CTNNA2: variants seen among roughly 807,000 people sequenced by gnomAD.
CTNNA2 encodes the protein catenin alpha-2.
CTNNA2 carries 42 observed loss-of-function variants against 101.0 expected under a neutral mutation model. The ratio of observed to expected loss-of-function variants is 0.42; its 90% CI spans 0.32 to 0.54. CTNNA2 has a LOEUF of 0.54. CTNNA2 is among the 20% of genes least tolerant of loss of function. The pLI, the probability that CTNNA2 is intolerant of heterozygous loss-of-function variation, is 0.14. For missense variants in CTNNA2, 871 were observed against 1,223.1 expected (o/e 0.71, Z 4.29); for synonymous variants, 450 against 456.4 (o/e 0.99, Z 0.18).
intron 2 of CTNNA2, among the ~76,000 whole-genome samples, chr2:79,244,695 G>A (rs1674677243): frequency 6.6e-6 from 1 of 152,202 alleles, no homozygotes; most frequent in African/African-American, 2.4e-5. Context: ...GTTCACTGCT[G>A]TCTCTTGCAG....
At chr2:80,452,645 A>T (rs1024041268) in intron 9 of CTNNA2, among the ~76,000 whole-genome samples, 1 of 151,630 alleles carries the variant, frequency 6.6e-6, no homozygotes, top group Non-Finnish European at 1.5e-5. Context: ...GGGAGAAGAA[A>T]GGATGCTGGT....
At chr2:80,488,596 C>T (rs1003382025) in intron 9 of CTNNA2, among the ~76,000 whole-genome samples, 1 of 152,154 alleles carries the variant, frequency 6.6e-6, no homozygotes, top group African/African-American at 2.4e-5. Flanking sequence ...ACAAAATGAA[C>T]AGGAGCCTGA....
chr2:79,264,741 T>C (rs901868813), intron 2 of CTNNA2, among the ~76,000 whole-genome samples: 18 of 152,272 alleles, frequency 1.2e-4, no homozygotes, highest in Non-Finnish European at 1.6e-4. Context: ...CTATTTTTTT[T>C]TTTTAAACAG....
At chr2:79,376,853 T>C (rs1677982479) in intron 4 of CTNNA2, among the ~76,000 whole-genome samples, 1 of 152,224 alleles carries the variant, frequency 6.6e-6, no homozygotes, top group African/African-American at 2.4e-5. Context: ...CCATGGTGTA[T>C]ATGTGCCACA....
chr2:80,481,590 T>C (rs1185474284), intron 9 of CTNNA2, among the ~76,000 whole-genome samples: 1 of 152,152 alleles, frequency 6.6e-6, no homozygotes, highest in Non-Finnish European at 1.5e-5. Flanking sequence ...TAGAAGGATG[T>C]TAAACCTGAC....
intron 7 of CTNNA2, among the ~76,000 whole-genome samples, chr2:79,993,358 G>T (rs1692314790): frequency 6.6e-6 from 1 of 151,816 alleles, no homozygotes; most frequent in South Asian, 2.1e-4. Flanking sequence ...CCATTTTTTG[G>T]GCTCCCACGT....
chr2:79,608,210 A>T (rs1678026382), intron 1 of CTNNA2, among the ~76,000 whole-genome samples: 1 of 152,056 alleles, frequency 6.6e-6, no homozygotes, highest in African/African-American at 2.4e-5. Context: ...ACCAAAGCTC[A>T]CTCAAGAAGA....
chr2:79,538,481 C>G (rs145549182), intron 1 of CTNNA2, among the ~76,000 whole-genome samples: 1 of 151,998 alleles, frequency 6.6e-6, no homozygotes, highest in Non-Finnish European at 1.5e-5. Context: ...AATAGTGATA[C>G]AAAATACTGT....
intron 7 of CTNNA2, among the ~76,000 whole-genome samples, chr2:80,357,115 T>C (rs1673886947): frequency 6.6e-6 from 1 of 152,138 alleles, no homozygotes; most frequent in African/African-American, 2.4e-5. Flanking sequence ...GGTCAGTGAA[T>C]GGTTATGATA....
At chr2:79,686,563 T>C (rs1683943365) in intron 2 of CTNNA2, among the ~76,000 whole-genome samples, 1 of 152,002 alleles carries the variant, frequency 6.6e-6, no homozygotes, top group Non-Finnish European at 1.5e-5. Flanking sequence ...AAAAAATCAT[T>C]CTACAGTGAC....
chr2:79,849,109 A>G (rs1436377092), intron 3 of CTNNA2, among the ~76,000 whole-genome samples: 1 of 152,162 alleles, frequency 6.6e-6, no homozygotes. Flanking sequence ...CTTCAGAGGC[A>G]GTGGCCCCAT....
At chr2:79,661,015 C>A (rs569413745) in intron 2 of CTNNA2, among the ~76,000 whole-genome samples, 1 of 152,212 alleles carries the variant, frequency 6.6e-6, no homozygotes, top group East Asian at 1.9e-4. Context: ...GAAATTAAAT[C>A]ACTGTGTATG....
At chr2:79,242,180 A>G (rs1245634841) in intron 2 of CTNNA2, among the ~76,000 whole-genome samples, 3 of 152,122 alleles carry the variant, frequency 2.0e-5, no homozygotes, top group African/African-American at 7.2e-5. Flanking sequence ...TGCTGGGATT[A>G]TAGGCTTGAG....
chr2:79,668,466 C>T (rs1383935199), intron 2 of CTNNA2, among the ~76,000 whole-genome samples: 2 of 152,068 alleles, frequency 1.3e-5, no homozygotes, highest in Non-Finnish European at 2.9e-5. Context: ...TATACATCTA[C>T]ATCAGTGAAT....
chr2:79,535,252 T>C (rs1166754151), intron 1 of CTNNA2, among the ~76,000 whole-genome samples: 1 of 152,168 alleles, frequency 6.6e-6, no homozygotes, highest in Non-Finnish European at 1.5e-5. Context: ...TCGCCCTGGC[T>C]GGAGTTCAGT....
rs566602065 is a variant in CTNNA2, at chr2:79,559,466, G to A, written c.-6+46259G>A. The stretch of plus-strand genomic sequence containing the variant: ...AGAGGCCCGGCTTCATTTCTGTGTG[G>A]AAATGGAGGGCAGGGAATGCACTTA... On this transcript the variant is annotated intron_variant, in intron 1 of 18. Transcript: ENST00000402739. Among the ~76,000 whole-genome samples, 4 of 152,080 alleles carry A rather than the reference G, an allele frequency of 2.6e-5. No homozygotes were observed. The East Asian group carries it at 7.7e-4, about 29-fold the overall frequency.
intron 9 of CTNNA2, among the ~76,000 whole-genome samples, chr2:80,532,956 T>A (rs2149598752): frequency 6.6e-6 from 1 of 152,260 alleles, no homozygotes; most frequent in South Asian, 2.1e-4. Flanking sequence ...ACAGGGAGGC[T>A]GCCTTGGAAC....
chr2:79,196,543 A>G (rs1390127539), intron 1 of CTNNA2, among the ~76,000 whole-genome samples: 3 of 152,116 alleles, frequency 2.0e-5, no homozygotes, highest in Non-Finnish European at 4.4e-5. Flanking sequence ...TGAGAGTCTG[A>G]TTTTACCTTT....
At chr2:79,430,025 TA>T (rs1164618523) in intron 4 of CTNNA2, among the ~76,000 whole-genome samples, 2 of 151,990 alleles carry the variant, frequency 1.3e-5, no homozygotes, top group Non-Finnish European at 2.9e-5. Flanking sequence ...ATATGAGAGG[TA>T]AAAAGTCTGA....
Sources: gnomAD v4.1 joint callset for allele counts (sites outside exome capture counted in the v4.1 genomes callset) on GRCh38, gnomAD v4.1.1 for gene constraint, MANE v1.5 for transcripts, NCBI Gene and HGNC (gene_info 2026-07-23, HGNC 2026-07-21) for gene names.